TBCA: variants seen among roughly 807,000 people sequenced by gnomAD.
TBCA encodes the protein tubulin folding cofactor A, also known as tubulin-specific chaperone A.
A neutral mutation model predicts 15.8 loss-of-function variants in TBCA; 6 were observed. That is an observed-to-expected ratio of 0.38 (90% CI 0.21 to 0.75). TBCA has a LOEUF of 0.75. Ranked by LOEUF, TBCA falls within the 30% of genes least tolerant of loss-of-function variation. TBCA has a pLI of 0.46. For synonymous variants in TBCA, 32 were observed against 42.3 expected (o/e 0.76, Z 0.94); for missense variants, 90 against 131.2 (o/e 0.69, Z 1.53).
At chr5:77,754,152 T>C (rs1184696610) in intron 1 of TBCA, among the ~76,000 whole-genome samples, 5 of 152,220 alleles carry the variant, frequency 3.3e-5, no homozygotes, top group Non-Finnish European at 5.9e-5. Context: ...TCCTGAATAT[T>C]TCTCTTTCTT....
chr5:77,691,264 T>C lies in TBCA; in HGVS notation c.*154A>G. The C allele has an allele frequency of 1.6e-6, 1 of 644,904 alleles. No homozygotes were observed. Among genetic ancestry groups the C allele is most frequent in the Non-Finnish European group, 2.6e-6 (1 of 384,500 alleles). 39.9% of individuals were successfully genotyped at this position (644,904 alleles called of 1,614,324 possible). On this transcript the variant is annotated 3_prime_UTR_variant, in exon 4 of 4. Transcript: ENST00000380377. ...AATTTTATTAGATGAACTCATTTAT[T>C]TGACATATTAAATTAGACAAAGAAA...
intron 1 of TBCA, among the ~76,000 whole-genome samples, chr5:77,720,915 A>C (rs547232809): frequency 4.3e-4 from 66 of 152,322 alleles, no homozygotes; most frequent in African/African-American, 1.5e-3. Flanking sequence ...GATGCTGGCA[A>C]ACTAGAGTAT....
intron 1 of TBCA, among the ~76,000 whole-genome samples, chr5:77,757,499 T>A (rs1278468402): frequency 6.6e-6 from 1 of 151,892 alleles, no homozygotes; most frequent in Non-Finnish European, 1.5e-5. Flanking sequence ...AGAAAAGGAG[T>A]TGTACAGCAA....
chr5:77,773,045 G>C (rs1289998622), intron 1 of TBCA, among the ~76,000 whole-genome samples: 1 of 152,162 alleles, frequency 6.6e-6, no homozygotes, highest in African/African-American at 2.4e-5. Flanking sequence ...TCATTCTACA[G>C]CACTCTGCAA....
intron 2 of TBCA, among the ~76,000 whole-genome samples, chr5:77,700,731 A>G (rs1745992410): frequency 2.0e-5 from 3 of 152,192 alleles, no homozygotes; most frequent in Non-Finnish European, 4.4e-5. Flanking sequence ...GGAAATGAAA[A>G]CTTATGTTCA....
At chr5:77,728,022 A>G (rs1318225724) in intron 1 of TBCA, among the ~76,000 whole-genome samples, 1 of 152,162 alleles carries the variant, frequency 6.6e-6, no homozygotes, top group Non-Finnish European at 1.5e-5. Flanking sequence ...CAGGCTTACA[A>G]TTTTTTAAGA....
intron 2 of TBCA, among the ~76,000 whole-genome samples, chr5:77,695,908 A>G (rs1273662937): frequency 2.0e-5 from 3 of 152,178 alleles, no homozygotes; most frequent in African/African-American, 7.2e-5. Flanking sequence ...TATAGGGGGT[A>G]CTTATTTGGT....
intron 1 of TBCA, among the ~76,000 whole-genome samples, chr5:77,765,901 G>GAAAAAAAAAAAAAAAAAAAAAAAA (rs1747763030): frequency 9.1e-6 from 1 of 109,954 alleles, no homozygotes; most frequent in Non-Finnish European, 1.9e-5. Flanking sequence ...AAAAAAAAAA[G>GAAAAAAAAAAAAAAAAAAAAAAAA]AAAACTAAAC....
chr5:77,707,929 G>A (rs925349698), intron 2 of TBCA, among the ~76,000 whole-genome samples: 1 of 152,100 alleles, frequency 6.6e-6, no homozygotes, highest in African/African-American at 2.4e-5. Flanking sequence ...TGAGGTGGGA[G>A]AATTGCTTGA....
chr5:77,759,825 A>G (rs1747564296), intron 1 of TBCA, among the ~76,000 whole-genome samples: 1 of 152,208 alleles, frequency 6.6e-6, no homozygotes, highest in Non-Finnish European at 1.5e-5. Context: ...AAGTATGTAT[A>G]CTTATACAAT....
At chr5:77,773,010 C>T (rs780693047) in intron 1 of TBCA, among the ~76,000 whole-genome samples, 1 of 152,074 alleles carries the variant, frequency 6.6e-6, no homozygotes, top group Admixed American at 6.5e-5. Flanking sequence ...GGGAAACTAC[C>T]ATTAGAAGTC....
At chr5:77,698,342 C>A (rs1745922886) in intron 2 of TBCA, among the ~76,000 whole-genome samples, 1 of 152,112 alleles carries the variant, frequency 6.6e-6, no homozygotes, top group African/African-American at 2.4e-5. Flanking sequence ...TCATAATGCT[C>A]ATAAACAACT....
chr5:77,716,885 AT>A (rs957161003), intron 1 of TBCA, among the ~76,000 whole-genome samples: 5 of 152,302 alleles, frequency 3.3e-5, no homozygotes, highest in South Asian at 2.1e-4. Flanking sequence ...AATCACAATG[AT>A]TTTACCCCCT....
Position 77,739,235 on chromosome 5 carries a change from C to T in TBCA, c.54-30888G>A, listed in dbSNP as rs551724471. 3.9e-5 allele frequency among the ~76,000 whole-genome samples: 6 copies of T among 152,010 alleles called. No homozygotes were observed. In the South Asian group the frequency reaches 6.2e-4, roughly 16 times the overall value. ...CAGCACTTTGGGAGGCTGAGGCAGG[C>T]GGATCACCTGAGGTCAGGAGTTTAA... is the stretch of plus-strand genomic sequence containing the variant. On this transcript the variant is annotated intron_variant, in intron 1 of 3. Transcript: ENST00000380377.
chr5:77,759,107 T>TA (rs975074692), intron 1 of TBCA, among the ~76,000 whole-genome samples: 1 of 152,212 alleles, frequency 6.6e-6, no homozygotes, highest in Non-Finnish European at 1.5e-5. Context: ...TGCCTGGCTA[T>TA]AGCTACCTAC....
intron 1 of TBCA, among the ~76,000 whole-genome samples, chr5:77,724,198 A>C (rs1456095752): frequency 1.3e-5 from 2 of 152,076 alleles, no homozygotes; most frequent in African/African-American, 4.8e-5. Context: ...CTGGTTTTTG[A>C]CTTACCACTT....
intron 3 of TBCA, chr5:77,691,955 T>C (rs980454221): frequency 1.0e-6 from 1 of 986,538 alleles, no homozygotes; most frequent in Non-Finnish European, 1.2e-6. Flanking sequence ...TTAAATATAA[T>C]CTTTGAATTA....
At chr5:77,720,146 A>G (rs1746495970) in intron 1 of TBCA, among the ~76,000 whole-genome samples, 1 of 152,170 alleles carries the variant, frequency 6.6e-6, no homozygotes. Flanking sequence ...TGAGCTGTCA[A>G]CATAGTAATC....
chr5:77,773,819 T>C (rs1318028263), intron 1 of TBCA, among the ~76,000 whole-genome samples: 2 of 152,358 alleles, frequency 1.3e-5, no homozygotes, highest in East Asian at 3.8e-4. Context: ...GTTTCTTTAG[T>C]AGACATTGCT....
Sources: allele counts gnomAD v4.1 joint callset (sites outside exome capture counted in the v4.1 genomes callset), GRCh38; gene constraint gnomAD v4.1.1; transcripts MANE v1.5; gene names NCBI Gene and HGNC (gene_info 2026-07-23, HGNC 2026-07-21).